The following LRP1 variants were observed in gnomAD, a reference collection of about 807,000 sequenced individuals.
LRP1 encodes the protein LDL receptor related protein 1, also known as prolow-density lipoprotein receptor-related protein 1.
A neutral mutation model predicts 541.5 loss-of-function variants in LRP1; 51 were observed. The ratio of observed to expected loss-of-function variants is 0.09; its 90% CI spans 0.08 to 0.12. The LOEUF (loss-of-function observed/expected upper bound fraction) is 0.12, where lower values mean the gene tolerates loss of function less well. Ranked by LOEUF, LRP1 falls within the 10% of genes least tolerant of loss-of-function variation. LRP1 has a pLI of 1.00. For synonymous variants in LRP1, 2,219 were observed against 2,470.8 expected (o/e 0.90, Z 3.02); for missense variants, 3,878 against 6,376.2 (o/e 0.61, Z 13.34).
At position 57,141,362 on chromosome 12, in the gene LRP1, G is replaced by A. The variant is rs1393116949; in HGVS notation, c.191-12G>A. 1.2e-6 allele frequency: 2 copies of A among 1,613,938 alleles called. No homozygotes were observed. The highest frequency in any genetic ancestry group is 4.5e-5 in the East Asian group (2 of 44,894). ...CCAGCTTGTTCATGCCCACCCTTCTGTCTGCCCTCAGGTCCACAGAGTAAG... is the reference window on the plus strand; with the variant it reads ...CCAGCTTGTTCATGCCCACCCTTCTATCTGCCCTCAGGTCCACAGAGTAAG... On this transcript the variant is annotated splice_polypyrimidine_tract_variant and intron_variant, in intron 2 of 88. Coordinates refer to ENST00000243077, the MANE Select transcript of LRP1 (RefSeq NM_002332.3).
At chr12:57,140,037 T>C (rs2035255288) in intron 2 of LRP1, among the ~76,000 whole-genome samples, 1 of 152,204 alleles carries the variant, frequency 6.6e-6, no homozygotes, top group African/African-American at 2.4e-5. Flanking sequence ...GTGGTCTCTC[T>C]ATCTCATCCA....
Position 57,205,071 on chromosome 12 carries a change from G to A in LRP1, c.11195-38G>A. 1 of 1,586,328 alleles carries A rather than the reference G, an allele frequency of 6.3e-7. No individual in the cohort carries two copies. Among genetic ancestry groups the A allele is most frequent in the Non-Finnish European group, 8.6e-7 (1 of 1,163,066 alleles). On this transcript the variant is annotated intron_variant, in intron 72 of 88. Coordinates refer to ENST00000243077, the MANE Select transcript of LRP1 (RefSeq NM_002332.3). This position sits in a 1 kb window ranked among gnomAD's most constrained non-coding sequence, Gnocchi z 4.6. ...GGTTGCCGTGGGAGGAGGAGGCAGG[G>A]GAGAATACCCAGGGCCTAAAGCCTC...
At position 57,179,251 on chromosome 12, in the gene LRP1, G is replaced by A; in HGVS notation, c.4739-78G>A. ...CAGTAGCAAACAGACGGATCCAGAA[G>A]AAGGCAGGGCCTGAAACCGGATTGG... On this transcript the variant is annotated intron_variant, in intron 28 of 88. Coordinates refer to ENST00000243077, the MANE Select transcript of LRP1 (RefSeq NM_002332.3). This position sits in a 1 kb window ranked among gnomAD's most constrained non-coding sequence, Gnocchi z 6.8. The A allele has an allele frequency of 7.8e-7, 1 of 1,281,516 alleles. No individual in the cohort carries two copies. Among genetic ancestry groups the A allele is most frequent in the Non-Finnish European group, 1.1e-6 (1 of 901,228 alleles). The allele number at this position is 1,281,516 out of a possible 1,614,324, so 79.4% of individuals were successfully genotyped here. A position where few individuals can be genotyped will look rare whatever the true frequency, so the allele number is the denominator to read the frequency against.
chr12:57,204,259 C>A lies in LRP1; in HGVS notation c.10952-151C>A. Reference sequence around the variant, plus strand: ...AAATACCAGAGGGGGCAGTTTGGCCCCACCAAGTAGAAATTTAAGAGACCT... The same window carrying A: ...AAATACCAGAGGGGGCAGTTTGGCCACACCAAGTAGAAATTTAAGAGACCT... On this transcript the variant is annotated intron_variant, in intron 70 of 88. Coordinates refer to ENST00000243077, the MANE Select transcript of LRP1 (RefSeq NM_002332.3). This position sits in a 1 kb window ranked among gnomAD's most constrained non-coding sequence, Gnocchi z 5.3. 1.1e-6 allele frequency: 1 copy of A among 942,370 alleles called. No homozygotes were observed. Among genetic ancestry groups the A allele is most frequent in the Non-Finnish European group, 1.5e-6 (1 of 664,478 alleles). The allele number at this position is 942,370 out of a possible 1,614,324, so 58.4% of individuals were successfully genotyped here.
intron 19 of LRP1, among the ~76,000 whole-genome samples, chr12:57,168,514 G>C: frequency 6.6e-6 from 1 of 152,204 alleles, no homozygotes; most frequent in South Asian, 2.1e-4. Flanking sequence ...AGTTGGAAAA[G>C]AGGCAGGAAC....
chr12:57,158,569 G>A lies in LRP1; in HGVS notation c.1729G>A (p.Asp577Asn), dbSNP rs1485406287. Residue 577 changes from aspartate (D) to asparagine (N), a missense_variant, in exon 11 of 89, where the codon GAC becomes AAC. Coordinates refer to ENST00000243077, the MANE Select transcript of LRP1 (RefSeq NM_002332.3). This position sits in a 1 kb window ranked among gnomAD's most constrained non-coding sequence, Gnocchi z 5.3. Reference sequence around the variant, plus strand: ...TGAGACCGGCTTCATCTACTTTGCCGACACCACCAGCTACCTCATTGGCCG... The same window carrying A: ...TGAGACCGGCTTCATCTACTTTGCCAACACCACCAGCTACCTCATTGGCCG... ...HAETGFIYFADTTSYLIGRQK... is the reference protein window; with the variant it reads ...HAETGFIYFANTTSYLIGRQK... 3 of 1,614,040 alleles carry A rather than the reference G, an allele frequency of 1.9e-6. No homozygotes were observed. Among genetic ancestry groups the A allele is most frequent in the Non-Finnish European group, 2.5e-6 (3 of 1,180,024 alleles).
In LRP1 at chr12:57,145,514, G is replaced by A. The variant is rs1018476253; in HGVS notation, c.841+24G>A. Reference sequence around the variant, plus strand: ...CCGTGAGTCACCTGCTCTCAGCTTGGAGGGCTGGGGAGGGTAGGGGAGACA... The same window carrying A: ...CCGTGAGTCACCTGCTCTCAGCTTGAAGGGCTGGGGAGGGTAGGGGAGACA... On this transcript the variant is annotated intron_variant, in intron 6 of 88. Coordinates refer to ENST00000243077, the MANE Select transcript of LRP1 (RefSeq NM_002332.3). 3.7e-6 allele frequency: 6 copies of A among 1,607,504 alleles called. No individual in the cohort carries two copies. In the African/African-American group the frequency reaches 8.0e-5, roughly 21 times the overall value.
At position 57,191,113 on chromosome 12, in the gene LRP1, T is replaced by C. The variant is rs1169451435; in HGVS notation, c.7236+104T>C. ...CAGGCACAGACATGGTGGGAACAGCTGGGAGGAGGTGAGTGCCTCCAGGCC... is the reference window on the plus strand; with the variant it reads ...CAGGCACAGACATGGTGGGAACAGCCGGGAGGAGGTGAGTGCCTCCAGGCC... On this transcript the variant is annotated intron_variant, in intron 43 of 88. Transcript: ENST00000243077. The C allele has an allele frequency of 7.8e-6, 10 of 1,289,524 alleles. No individual in the cohort carries two copies. In the East Asian group the frequency reaches 1.3e-4, roughly 16 times the overall value. 79.9% of individuals were successfully genotyped at this position (1,289,524 alleles called of 1,614,324 possible). A position where few individuals can be genotyped will look rare whatever the true frequency, so the allele number is the denominator to read the frequency against.
At position 57,128,724 on chromosome 12, in the gene LRP1, G is replaced by T. The variant is rs2034968633; in HGVS notation, c.-241G>T. ...GAGCAGCGAGGAGTGAAGCGGGGGG[G>T]TGGGGTGAAGGGTTTGGATTTCGGG... On this transcript the variant is annotated 5_prime_UTR_variant, in exon 1 of 89. Coordinates refer to ENST00000243077, the MANE Select transcript of LRP1 (RefSeq NM_002332.3). 7.2e-6 allele frequency: 3 copies of T among 418,742 alleles called. No homozygotes were observed. Among genetic ancestry groups the T allele is most frequent in the African/African-American group, 4.1e-5 (2 of 49,264 alleles). 25.9% of individuals were successfully genotyped at this position (418,742 alleles called of 1,614,324 possible). A position where few individuals can be genotyped will look rare whatever the true frequency, so the allele number is the denominator to read the frequency against.
Position 57,128,665 on chromosome 12 carries a change from A to T in LRP1, c.-300A>T. 1 of 373,010 alleles carries T rather than the reference A, an allele frequency of 2.7e-6. No homozygotes were observed. The highest frequency in any genetic ancestry group is 1.1e-4 in the South Asian group (1 of 9,386). 23.1% of individuals were successfully genotyped at this position (373,010 alleles called of 1,614,324 possible). On this transcript the variant is annotated 5_prime_UTR_variant, in exon 1 of 89. It removes an upstream start codon present in the reference 5' UTR. Transcript: ENST00000243077. ...TTTTGCAGCCGGAGGCGGCTCCGAG[A>T]TGGGGCTGTGAGCTTCGCCCGGGGA... is the stretch of plus-strand genomic sequence containing the variant.
intron 1 of LRP1, among the ~76,000 whole-genome samples, chr12:57,132,380 C>T (rs2035055103): frequency 6.6e-6 from 1 of 152,150 alleles, no homozygotes; most frequent in Admixed American, 6.5e-5. Flanking sequence ...GCTCCATTTT[C>T]CTCCCTCCTT....
In LRP1 at chr12:57,128,679, T is replaced by C. The variant is rs1056748754; in HGVS notation, c.-286T>C. 9.7e-6 allele frequency: 4 copies of C among 412,240 alleles called. No individual in the cohort carries two copies. The highest frequency in any genetic ancestry group is 1.7e-5 in the Non-Finnish European group (4 of 232,688). The allele number at this position is 412,240 out of a possible 1,614,324, so 25.5% of individuals were successfully genotyped here. On this transcript the variant is annotated 5_prime_UTR_variant, in exon 1 of 89. Transcript: ENST00000243077. ...GCGGCTCCGAGATGGGGCTGTGAGC[T>C]TCGCCCGGGGAGGGGGAAAGAGCAG...
chr12:57,187,264 C>A lies in LRP1; in HGVS notation c.6842-3C>A. On this transcript the variant is annotated splice_region_variant and splice_polypyrimidine_tract_variant and intron_variant, in intron 41 of 88. Transcript: ENST00000243077. ...ACAAATCGCTGCTCCTGTCTCTTCA[C>A]AGACGTGGGCTCCGTGGAAGGCCTG... 6.2e-7 allele frequency: 1 copy of A among 1,610,242 alleles called. No homozygotes were observed. Among genetic ancestry groups the A allele is most frequent in the Admixed American group, 1.7e-5 (1 of 59,766 alleles).
In LRP1 at chr12:57,205,137, C is replaced by T. The variant is rs1199659927; in HGVS notation, c.11223C>T (p.Cys3741=). 6.2e-7 allele frequency: 1 copy of T among 1,613,802 alleles called. No individual in the cohort carries two copies. The highest frequency in any genetic ancestry group is 1.3e-5 in the African/African-American group (1 of 74,924). The part of the protein sequence containing the change: ...CEPPTAHTTH[C]KDKKEFLCRN... ...CCCCCACAGCCCACACCACCCACTG[C>T]AAAGACAAGAAGGAGTTTCTGTGCC... Residue 3741 remains cysteine, a synonymous_variant, in exon 73 of 89, where the codon TGC becomes TGT. Transcript: ENST00000243077. The surrounding 1 kb of genome is among the most constrained non-coding windows in gnomAD (Gnocchi z 4.6).
rs139589992 is a variant in LRP1 at position 57,154,560 on chromosome 12, C to T, written c.1086C>T (p.Val362=). ...ATGGGCAGAACCGCACCAAGCTCGTCGACAGCAAGATTGTGTTTCCTCATG... is the reference window on the plus strand; with the variant it reads ...ATGGGCAGAACCGCACCAAGCTCGTTGACAGCAAGATTGTGTTTCCTCATG... ...DMDGQNRTKL[V]DSKIVFPHGI... The change falls in exon 8 of 89, where the codon GTC becomes GTT. Residue 362 remains valine, a synonymous_variant. Coordinates refer to ENST00000243077, the MANE Select transcript of LRP1 (RefSeq NM_002332.3). This position sits in a 1 kb window ranked among gnomAD's most constrained non-coding sequence, Gnocchi z 4.6. The T allele has an allele frequency of 5.7e-5, 92 of 1,614,162 alleles. 1 individual carries two copies. In the African/African-American group the frequency reaches 5.9e-4, roughly 10 times the overall value.
intron 22 of LRP1, among the ~76,000 whole-genome samples, chr12:57,174,820 G>A (rs925913354): frequency 6.6e-6 from 1 of 152,172 alleles, no homozygotes; most frequent in Non-Finnish European, 1.5e-5. Context: ...AAAGAGATGA[G>A]GTTGGGGGAG....
At chr12:57,131,012 T>C (rs925553934) in intron 1 of LRP1, among the ~76,000 whole-genome samples, 2 of 152,174 alleles carry the variant, frequency 1.3e-5, no homozygotes, top group African/African-American at 4.8e-5. Context: ...GGGAATTGCA[T>C]AGAAATGTAA....
At chr12:57,169,329 G>C (rs370677335) in intron 20 of LRP1, 22 bp downstream of exon 20, 1 of 1,588,632 alleles carries the variant, frequency 6.3e-7, no homozygotes, top group Admixed American at 1.7e-5. Flanking sequence ...GGGCCCGTGG[G>C]GTGGGGATGA....
chr12:57,178,717 A>T lies in LRP1; in HGVS notation c.4606+114A>T. The T allele has an allele frequency of 1.3e-6, 2 of 1,546,182 alleles. No individual in the cohort carries two copies. Among genetic ancestry groups the T allele is most frequent in the Non-Finnish European group, 1.8e-6 (2 of 1,139,212 alleles). On this transcript the variant is annotated intron_variant, in intron 27 of 88. Transcript: ENST00000243077. This position sits in a 1 kb window ranked among gnomAD's most constrained non-coding sequence, Gnocchi z 5.8. ...AGAACAGGAGCAAGTCTGTGCTGGG[A>T]TGGCAGGGGTAGGCCGGCTGTTGAC...
Sources: gnomAD v4.1 joint callset for allele counts (sites outside exome capture counted in the v4.1 genomes callset) on GRCh38, gnomAD v4.1.1 for gene constraint, Gnocchi (gnomAD v3.1) non-coding constraint, MANE v1.5 for transcripts, NCBI Gene and HGNC (gene_info 2026-07-23, HGNC 2026-07-21) for gene names.